Variants in OSMR observed in about 807,000 individuals in gnomAD.
The protein encoded by OSMR is oncostatin M receptor.
In OSMR, 81 loss-of-function variants were observed where a neutral mutation model predicts 99.9. That is an observed-to-expected ratio of 0.81 (90% CI 0.68 to 0.97). OSMR has a LOEUF of 0.97. Ranked by LOEUF, OSMR falls within the 50% of genes least tolerant of loss-of-function variation. The pLI is 0.00. For synonymous variants in OSMR, 406 were observed against 410.4 expected (o/e 0.99, Z 0.13); for missense variants, 1,099 against 1,153.4 (o/e 0.95, Z 0.68).
At chr5:38,926,478 AAC>A in intron 15 of OSMR, among the ~76,000 whole-genome samples, 1 of 152,324 alleles carries the variant, frequency 6.6e-6, no homozygotes, top group East Asian at 1.9e-4. Flanking sequence ...AGGGAAAGCA[AAC>A]ACATCCTTCT....
chr5:38,893,336 C>T (rs1451535429), intron 7 of OSMR, among the ~76,000 whole-genome samples: 1 of 152,138 alleles, frequency 6.6e-6, no homozygotes, highest in Non-Finnish European at 1.5e-5. Flanking sequence ...CTCCTGAACC[C>T]AAATGGAAAC....
At chr5:38,901,516 G>A (rs181526279) in intron 7 of OSMR, among the ~76,000 whole-genome samples, 1 of 152,308 alleles carries the variant, frequency 6.6e-6, no homozygotes, top group Admixed American at 6.5e-5. Context: ...GTAGTGTCAT[G>A]TATGGTGCTC....
At position 38,883,852 on chromosome 5, in the gene OSMR, A is replaced by G. The variant is rs1294316473; in HGVS notation, c.444A>G (p.Ile148Met). The G allele has an allele frequency of 1.2e-6, 2 of 1,612,994 alleles. No individual in the cohort carries two copies. The highest frequency in any genetic ancestry group is 1.3e-5 in the African/African-American group (1 of 74,856). ...VSVQDSTGQD[I>M]LFVFPKDKLV... ...TACAAGATTCTACTGGACAGGATAT[A>G]TTGTTCGTTTTCCCTAAAGATAAGC... Residue 148 changes from isoleucine (I) to methionine (M), a missense_variant, in exon 5 of 18, where the codon ATA becomes ATG. Transcript: ENST00000274276.
intron 7 of OSMR, among the ~76,000 whole-genome samples, chr5:38,893,325 G>T (rs1744282256): frequency 6.6e-6 from 1 of 152,204 alleles, no homozygotes; most frequent in African/African-American, 2.4e-5. Flanking sequence ...GATCACTCTA[G>T]CTCCTGAACC....
intron 9 of OSMR, among the ~76,000 whole-genome samples, chr5:38,906,538 T>C (rs933070283): frequency 2.0e-5 from 3 of 152,208 alleles, no homozygotes; most frequent in African/African-American, 7.2e-5. Context: ...TAAATAGTAA[T>C]TTACAAGCCA....
intron 9 of OSMR, among the ~76,000 whole-genome samples, chr5:38,917,096 G>A (rs1416988683): frequency 6.6e-6 from 1 of 152,126 alleles, no homozygotes; most frequent in Non-Finnish European, 1.5e-5. Context: ...GAGCGGGCCA[G>A]CCGTGGGTAT....
chr5:38,885,586 C>T (rs1273267034), intron 6 of OSMR, 102 bp downstream of exon 6: 1 of 1,469,074 alleles, frequency 6.8e-7, no homozygotes, highest in Non-Finnish European at 9.5e-7. Flanking sequence ...GAAATTTGAA[C>T]AAATATTTCA....
intron 3 of OSMR, among the ~76,000 whole-genome samples, chr5:38,879,498 T>C (rs948993473): frequency 6.6e-6 from 1 of 152,120 alleles, no homozygotes; most frequent in African/African-American, 2.4e-5. Context: ...GAGAAGTGGC[T>C]GCATTTAAGG....
intron 1 of OSMR, among the ~76,000 whole-genome samples, chr5:38,861,905 G>A (rs1380286282): frequency 2.9e-5 from 4 of 137,978 alleles, no homozygotes; most frequent in East Asian, 3.1e-4. Flanking sequence ...CGGACGGGGC[G>A]GCTGGCCGGG....
At chr5:38,909,690 C>T (rs952702251) in intron 9 of OSMR, among the ~76,000 whole-genome samples, 2 of 152,142 alleles carry the variant, frequency 1.3e-5, no homozygotes, top group African/African-American at 4.8e-5. Context: ...ACGGAATTCA[C>T]TACCATTAGA....
At chr5:38,939,439 TAGGG>T (rs1747297962), downstream of OSMR, 1 of 232,098 alleles carries the variant, frequency 4.3e-6, no homozygotes, top group Non-Finnish European at 8.5e-6. Flanking sequence ...AAAATTTAAT[TAGGG>T]AGAACAGACT....
chr5:38,885,445 G>A lies in OSMR; in HGVS notation c.800G>A (p.Trp267Ter). 1 of 1,613,994 alleles carries A rather than the reference G, an allele frequency of 6.2e-7. No homozygotes were observed. The highest frequency in any genetic ancestry group is 8.5e-7 in the Non-Finnish European group (1 of 1,179,896). The change falls in exon 6 of 18, where the codon TGG becomes TAG. Residue 267 changes from tryptophan (W) to a stop codon, truncating the protein, a stop_gained. Transcript: ENST00000274276. LOFTEE classifies it high-confidence loss of function. ...WDPGTDTALG[W>*]SKQPSQSYTL... ...CCTGGGACGGACACTGCCTTGGGGT[G>A]GTCTAAACAACCTTCCCAAAGCTAC...
intron 3 of OSMR, among the ~76,000 whole-genome samples, chr5:38,876,622 A>G (rs1359393949): frequency 6.6e-6 from 1 of 152,216 alleles, no homozygotes; most frequent in African/African-American, 2.4e-5. Flanking sequence ...TCTGTCTTCT[A>G]AGAAGACTGT....
At chr5:38,922,560 T>C (rs980874042) in intron 12 of OSMR, among the ~76,000 whole-genome samples, 17 of 152,148 alleles carry the variant, frequency 1.1e-4, no homozygotes, top group Non-Finnish European at 2.2e-4. Flanking sequence ...CACCCAGTTG[T>C]ATGCACATGG....
chr5:38,904,540 G>C, intron 9 of OSMR, 37 bp downstream of exon 9: 1 of 1,613,480 alleles, frequency 6.2e-7, no homozygotes, highest in Non-Finnish European at 8.5e-7. Context: ...CAAAGAAGTA[G>C]GTCTTAGGAG....
At chr5:38,906,199 T>C (rs550338835) in intron 9 of OSMR, among the ~76,000 whole-genome samples, 2 of 151,668 alleles carry the variant, frequency 1.3e-5, no homozygotes, top group South Asian at 4.2e-4. Flanking sequence ...TATTCCAACA[T>C]AACTAAAATT....
chr5:38,925,283 C>T lies in OSMR; in HGVS notation c.2124C>T (p.Ser708=), dbSNP rs1746424702. Residue 708 remains serine (S), a synonymous_variant, in exon 15 of 18, where the codon TCC becomes TCT. Transcript: ENST00000274276. ...ALIVDNLKPE[S]FYEFFITPFT... ...TTGTGGACAACCTAAAGCCAGAATCCTTCTATGAGTTTTTCATCACTCCAT... is the reference window on the plus strand; with the variant it reads ...TTGTGGACAACCTAAAGCCAGAATCTTTCTATGAGTTTTTCATCACTCCAT... 2 of 1,613,920 alleles carry T rather than the reference C, an allele frequency of 1.2e-6. No individual in the cohort carries two copies. Among genetic ancestry groups the T allele is most frequent in the Non-Finnish European group, 1.7e-6 (2 of 1,179,984 alleles).
chr5:38,903,780 A>T (rs1042707445), intron 7 of OSMR, 102 bp from the exon 8 acceptor site: 1 of 1,524,528 alleles, frequency 6.6e-7, no homozygotes, highest in African/African-American at 1.4e-5. Context: ...AGTGAACAAA[A>T]ATACTTGTTG....
intron 7 of OSMR, among the ~76,000 whole-genome samples, chr5:38,890,808 GT>G (rs1206952237): frequency 6.6e-6 from 1 of 152,186 alleles, no homozygotes; most frequent in African/African-American, 2.4e-5. Context: ...TATAGTTGTA[GT>G]TTCTTAATTT....
Sources: allele counts gnomAD v4.1 joint callset (sites outside exome capture counted in the v4.1 genomes callset), GRCh38; gene constraint gnomAD v4.1.1; transcripts MANE v1.5; gene names NCBI Gene and HGNC (gene_info 2026-07-23, HGNC 2026-07-21).